Variants in MYO15B observed in about 807,000 individuals in gnomAD.
MYO15B encodes the protein myosin XVB.
Under a neutral mutation model 119.3 loss-of-function variants are expected in MYO15B, and 207 were observed. That is an observed-to-expected ratio of 1.73 (90% CI 1.55 to 1.95). The LOEUF is 1.95. MYO15B is among the 30% of genes most tolerant of loss of function. The pLI, the probability that MYO15B is intolerant of heterozygous loss-of-function variation, is 0.00. For missense variants in MYO15B, 2,264 were observed against 1,203.1 expected, an observed-to-expected ratio of 1.88 and a Z score of -13.04; for synonymous variants, 966 against 498.9, an observed-to-expected ratio of 1.94 and a Z score of -12.48.
intron 14 of MYO15B, among the ~76,000 whole-genome samples, chr17:75,601,088 A>T (rs964239946): frequency 4.0e-5 from 6 of 151,084 alleles, no homozygotes; most frequent in African/African-American, 1.5e-4. Flanking sequence ...TATTTTTAGT[A>T]GAGTTGGGAT....
At chr17:75,606,223 G>T (rs2087293423) in intron 21 of MYO15B, among the ~76,000 whole-genome samples, 1 of 152,160 alleles carries the variant, frequency 6.6e-6, no homozygotes, top group South Asian at 2.1e-4. Context: ...CCGGCCACAA[G>T]AAACTCATTA....
chr17:75,624,104 T>C (rs1277768010), intron 55 of MYO15B, 40 bp downstream of exon 55: 6 of 702,660 alleles, frequency 8.5e-6, no homozygotes, highest in Non-Finnish European at 1.6e-5. Flanking sequence ...GGCAGGGGTT[T>C]CTAGGACTGG....
chr17:75,625,453 A>G (rs937734680), intron 60 of MYO15B, 74 bp from the exon 61 acceptor site: 1 of 690,984 alleles, frequency 1.4e-6, no homozygotes, highest in African/African-American at 1.8e-5. Flanking sequence ...GGCACTGGTT[A>G]TTTGGCACGT....
intron 19 of MYO15B, among the ~76,000 whole-genome samples, 191 bp downstream of exon 19, chr17:75,603,503 A>G (rs745794950): frequency 6.6e-6 from 1 of 151,698 alleles, no homozygotes; most frequent in Non-Finnish European, 1.5e-5. Context: ...ACTCTCTTCT[A>G]CCATTCACCA....
chr17:75,589,790 C>G lies in MYO15B; in HGVS notation c.1733C>G (p.Pro578Arg), dbSNP rs1401532746. The change falls in exon 1 of 64, where the codon CCT (proline) becomes CGT (arginine). Residue 578 changes from proline to arginine, a missense_variant. Coordinates refer to ENST00000645453, the Ensembl canonical transcript of MYO15B. This position sits in a 1 kb window ranked among gnomAD's most constrained non-coding sequence, Gnocchi z 4.2. ...CCCACGGGGGAAGGCCGAGGTTGGC[C>G]TCGTGCAGGGGTGGGGGGGCACAGT... The G allele has an allele frequency of 2.5e-6, 1 of 398,010 alleles. No individual in the cohort carries two copies. Among genetic ancestry groups the G allele is most frequent in the Non-Finnish European group, 4.4e-6 (1 of 225,910 alleles). 24.7% of individuals were successfully genotyped at this position (398,010 alleles called of 1,614,324 possible).
chr17:75,623,070 G>A (rs983795192), intron 53 of MYO15B, among the ~76,000 whole-genome samples: 4 of 152,330 alleles, frequency 2.6e-5, no homozygotes, highest in Admixed American at 1.3e-4. Flanking sequence ...GGCGGCTCCC[G>A]CCTGTAACCC....
chr17:75,625,266 GC>G lies in MYO15B; in HGVS notation c.8804+32del, dbSNP rs967673962. On this transcript the variant is annotated intron_variant, in intron 60 of 63. Transcript: ENST00000645453. ...GAGTGGAGGCACCTCCCGCCCCTAAGCCCCTCCCCTTCTCTAAGGTCAAGGC... is the reference window on the plus strand; with the variant it reads ...GAGTGGAGGCACCTCCCGCCCCTAAGCCCTCCCCTTCTCTAAGGTCAAGGC... 4 of 680,080 alleles carry G rather than the reference GC, an allele frequency of 5.9e-6. No individual in the cohort carries two copies. In the African/African-American group the frequency reaches 7.0e-5, roughly 12 times the overall value. The allele number at this position is 680,080 out of a possible 1,614,324, so 42.1% of individuals were successfully genotyped here. A position where few individuals can be genotyped will look rare whatever the true frequency, so the allele number is the denominator to read the frequency against.
At chr17:75,614,410 C>T in intron 30 of MYO15B, 50 bp downstream of exon 30, 1 of 689,630 alleles carries the variant, frequency 1.5e-6, no homozygotes, top group Middle Eastern at 2.6e-4. Context: ...GCCGGGGAAC[C>T]CCACAGCCAC....
chr17:75,606,507 CTT>C (rs1267122175), intron 21 of MYO15B, among the ~76,000 whole-genome samples: 1 of 146,048 alleles, frequency 6.8e-6, no homozygotes, highest in Non-Finnish European at 1.5e-5. Context: ...GAGTTTCACT[CTT>C]GTTGCCCAGG....
At chr17:75,592,368 T>C (rs1051594756) in intron 7 of MYO15B, 60 bp from the exon 8 acceptor site, 5 of 697,776 alleles carry the variant, frequency 7.2e-6, no homozygotes, top group African/African-American at 1.7e-5. Context: ...GGTGTCACTG[T>C]CGGGGTGTGG....
In MYO15B at chr17:75,626,229, G is replaced by A. The variant is rs1431671102; in HGVS notation, c.9213+1G>A. 1 of 702,996 alleles carries A rather than the reference G, an allele frequency of 1.4e-6. No individual in the cohort carries two copies. The highest frequency in any genetic ancestry group is 2.6e-6 in the Non-Finnish European group (1 of 384,978). 43.5% of individuals were successfully genotyped at this position (702,996 alleles called of 1,614,324 possible). On this transcript the variant is annotated splice_donor_variant, in intron 63 of 63. Coordinates refer to ENST00000645453, the Ensembl canonical transcript of MYO15B. LOFTEE classifies it high-confidence loss of function. The stretch of plus-strand genomic sequence containing the variant: ...GACCATCTGGTTTGAGCTGCCACAG[G>A]TGAGTGGCCAGGCCTCTGGCCACCT...
At chr17:75,602,691 C>T (rs367879996) in intron 16 of MYO15B, 97 bp downstream of exon 16, 3 of 608,930 alleles carry the variant, frequency 4.9e-6, no homozygotes, top group East Asian at 5.5e-5. Flanking sequence ...GGTTGGCCCT[C>T]AAGTCCCTGG....
Position 75,616,978 on chromosome 17 carries a change from G to A in MYO15B, c.6594+17G>A, listed in dbSNP as rs762537044. The A allele has an allele frequency of 8.4e-5, 59 of 702,906 alleles. No individual in the cohort carries two copies. Among genetic ancestry groups the A allele is most frequent in the Non-Finnish European group, 1.5e-4 (57 of 384,986 alleles). The allele number at this position is 702,906 out of a possible 1,614,324, so 43.5% of individuals were successfully genotyped here. ...TCCCCGCCGGTGAGCACCCCAGCCT[G>A]TCTCCCCCAGAGTGTGTGCTGCTGC... On this transcript the variant is annotated intron_variant, in intron 40 of 63. Transcript: ENST00000645453.
chr17:75,625,124 T>G (rs1172872656), exon 60 of MYO15B: 1 of 695,664 alleles, frequency 1.4e-6, no homozygotes, highest in Non-Finnish European at 2.6e-6. Flanking sequence ...CCCGCACAGG[T>G]GCTGTGGGAC....
chr17:75,591,061 G>T (rs564352086), intron 3 of MYO15B, 45 bp downstream of exon 3: 449 of 674,342 alleles, frequency 6.7e-4, no homozygotes, highest in African/African-American at 5.7e-3. Flanking sequence ...CTCCCAGGCA[G>T]CCCAGTCCCT....
exon 21 of MYO15B, chr17:75,605,970 G>A (rs546067181): frequency 1.4e-5 from 10 of 702,630 alleles, no homozygotes; most frequent in Middle Eastern, 2.3e-4. Flanking sequence ...TGCATCTCCC[G>A]CCAGCGCGTC....
At chr17:75,617,734 G>A in intron 41 of MYO15B, 76 bp from the exon 42 acceptor site, 1 of 639,528 alleles carries the variant, frequency 1.6e-6, no homozygotes, top group South Asian at 1.7e-5. Flanking sequence ...GGGGATGAAG[G>A]TCTTCCCTCC....
intron 29 of MYO15B, 183 bp downstream of exon 29, chr17:75,613,960 C>T (rs1019974896): frequency 2.9e-5 from 17 of 581,704 alleles, no homozygotes; most frequent in Non-Finnish European, 4.9e-5. Context: ...GGAGCTCCCA[C>T]GGCAGATTCT....
At chr17:75,626,032 AC>A (rs2059032741) in intron 62 of MYO15B, 55 bp downstream of exon 62, 1 of 696,552 alleles carries the variant, frequency 1.4e-6, no homozygotes, top group South Asian at 1.5e-5. Context: ...CTGTTCCATC[AC>A]CCACAATGAC....
Sources: gnomAD v4.1 joint callset for allele counts (sites outside exome capture counted in the v4.1 genomes callset) on GRCh38, gnomAD v4.1.1 for gene constraint, Gnocchi (gnomAD v3.1) non-coding constraint, MANE v1.5 for transcripts, NCBI Gene and HGNC (gene_info 2026-07-23, HGNC 2026-07-21) for gene names.